The following GPRC5C variants were observed in gnomAD, a reference collection of about 807,000 sequenced individuals.
GPRC5C encodes the protein G protein-coupled receptor class C group 5 member C, also known as G protein-coupled receptor family C group 5 member C.
GPRC5C carries 22 observed loss-of-function variants against 31.4 expected under a neutral mutation model. The observed-to-expected ratio is 0.70, with a 90% CI of 0.50 to 1.00. The LOEUF (loss-of-function observed/expected upper bound fraction) is 1.00. Among genes scored for constraint, GPRC5C ranks in the 50% least tolerant of loss-of-function variants. GPRC5C has a pLI of 0.00. For missense variants in GPRC5C, 557 were observed against 597.2 expected (o/e 0.93, Z 0.70); for synonymous variants, 249 against 257.5 (o/e 0.97, Z 0.32).
chr17:74,432,364 A>T, intron 1 of GPRC5C: 1 of 1,361,132 alleles, frequency 7.3e-7, no homozygotes, highest in South Asian at 1.7e-5. Flanking sequence ...TCCCAGGGAG[A>T]GGCAGGCCCT....
intron 1 of GPRC5C, among the ~76,000 whole-genome samples, chr17:74,435,872 C>A (rs1416603242): frequency 6.6e-6 from 1 of 152,170 alleles, no homozygotes; most frequent in Non-Finnish European, 1.5e-5. Context: ...GTAGTATGGG[C>A]TTTAGTATCC....
chr17:74,438,588 G>A (rs1273475849), intron 1 of GPRC5C, among the ~76,000 whole-genome samples: 1 of 151,380 alleles, frequency 6.6e-6, no homozygotes, highest in Non-Finnish European at 1.5e-5. Flanking sequence ...TTATAGAGAC[G>A]GGGTTTCACC....
At chr17:74,432,611 G>C in intron 1 of GPRC5C, 1 of 727,860 alleles carries the variant, frequency 1.4e-6, no homozygotes, top group Non-Finnish European at 1.7e-6. Flanking sequence ...GGGGGGACTG[G>C]ACATCCTGCG....
In GPRC5C at chr17:74,440,956, C is replaced by A; in HGVS notation, c.1051+129C>A. 1.4e-6 allele frequency: 1 copy of A among 728,732 alleles called. No homozygotes were observed. The highest frequency in any genetic ancestry group is 1.9e-6 in the Non-Finnish European group (1 of 514,064). 45.1% of individuals were successfully genotyped at this position (728,732 alleles called of 1,614,324 possible). On this transcript the variant is annotated intron_variant, in intron 2 of 3. Coordinates refer to ENST00000392627, the MANE Select transcript of GPRC5C (RefSeq NM_022036.4). The surrounding 1 kb of genome is among the most constrained non-coding windows in gnomAD (Gnocchi z 4.4). ...TTTCTGTAGTTTTCTGCCTAAGTGT[C>A]TCTAAATTCCATTTAATTTAAAGAT...
Position 74,440,733 on chromosome 17 carries a change from C to G in GPRC5C, c.957C>G (p.Thr319=), listed in dbSNP as rs1364709174. 1 of 1,600,920 alleles carries G rather than the reference C, an allele frequency of 6.2e-7. No homozygotes were observed. The highest frequency in any genetic ancestry group is 1.7e-5 in the Admixed American group (1 of 59,624). ...GCTACCAGGGGGACATGTACCCCAC[C>G]CGGGGCGTGGGCTATGAGACCATCC... ...EQSYQGDMYP[T]RGVGYETILK... Residue 319 remains threonine, a synonymous_variant, in exon 2 of 4, where the codon ACC becomes ACG. Coordinates refer to ENST00000392627, the MANE Select transcript of GPRC5C (RefSeq NM_022036.4). This position sits in a 1 kb window ranked among gnomAD's most constrained non-coding sequence, Gnocchi z 4.4.
At chr17:74,436,015 T>C (rs971232400) in intron 1 of GPRC5C, among the ~76,000 whole-genome samples, 1 of 152,240 alleles carries the variant, frequency 6.6e-6, no homozygotes, top group Non-Finnish European at 1.5e-5. Flanking sequence ...AACAAATCGA[T>C]TGCCTGTGCA....
intron 3 of GPRC5C, 128 bp downstream of exon 3, chr17:74,444,040 C>A: frequency 1.5e-6 from 1 of 667,332 alleles, no homozygotes; most frequent in Non-Finnish European, 2.7e-6. Flanking sequence ...GCAAGCTTCT[C>A]CATCTGGTGC....
intron 3 of GPRC5C, among the ~76,000 whole-genome samples, chr17:74,444,838 G>A (rs543090722): frequency 9.8e-5 from 15 of 152,300 alleles, no homozygotes; most frequent in East Asian, 5.8e-4. Context: ...ACTCCCCAGC[G>A]CGTTTGGAGT....
downstream of GPRC5C, chr17:74,449,325 G>C (rs959222610): frequency 5.4e-6 from 7 of 1,299,100 alleles, no homozygotes; most frequent in Non-Finnish European, 7.1e-6. Context: ...GTTCTTTCTG[G>C]TCACTTTAGG....
chr17:74,445,451 G>A (rs1193984023), intron 3 of GPRC5C: 1 of 152,862 alleles, frequency 6.5e-6, no homozygotes, highest in African/African-American at 2.4e-5. Context: ...TGTTGGGTGG[G>A]GACTGTGTAG....
downstream of GPRC5C, chr17:74,448,945 G>A (rs1373787091): frequency 1.6e-6 from 2 of 1,253,058 alleles, no homozygotes; most frequent in African/African-American, 1.5e-5. Context: ...GGCACTTCCA[G>A]CCATGTGGTT....
intron 3 of GPRC5C, chr17:74,445,744 C>T (rs1224920237): frequency 1.3e-5 from 2 of 152,158 alleles, no homozygotes; most frequent in African/African-American, 4.8e-5. Context: ...GCCAGGAATA[C>T]ACCTTTCCTC....
intron 3 of GPRC5C, among the ~76,000 whole-genome samples, chr17:74,444,789 G>A (rs2055601681): frequency 6.6e-6 from 1 of 152,186 alleles, no homozygotes; most frequent in Admixed American, 6.5e-5. Flanking sequence ...AGCCACAGAA[G>A]CCTTTGCTGA....
chr17:74,439,880 T>C lies in GPRC5C; in HGVS notation c.104T>C (p.Leu35Pro), dbSNP rs1285164995. The C allele has an allele frequency of 6.2e-7, 1 of 1,613,124 alleles. No homozygotes were observed. Among genetic ancestry groups the C allele is most frequent in the African/African-American group, 1.3e-5 (1 of 74,938 alleles). The change falls in exon 2 of 4, where the codon CTC (leucine) becomes CCC (proline). Residue 35 changes from leucine (L) to proline (P), a missense_variant. Leu to Pro is a moderately conservative substitution (Grantham distance 98). Transcript: ENST00000392627. ...GHVPPGCSQG[L>P]NPLYYNLCDR... Reference sequence around the variant, plus strand: ...GTCCCACCCGGCTGCAGCCAAGGCCTCAACCCCCTGTACTACAACCTGTGT... The same window carrying C: ...GTCCCACCCGGCTGCAGCCAAGGCCCCAACCCCCTGTACTACAACCTGTGT...
intron 1 of GPRC5C, among the ~76,000 whole-genome samples, chr17:74,435,957 G>A (rs1027889995): frequency 3.9e-5 from 6 of 152,194 alleles, no homozygotes. Flanking sequence ...TGGCCATTAT[G>A]GCTTTACCTT....
chr17:74,446,665 A>G (rs2055639985), intron 3 of GPRC5C, 184 bp from the exon 4 acceptor site: 5 of 579,226 alleles, frequency 8.6e-6, no homozygotes, highest in Non-Finnish European at 1.5e-5. Flanking sequence ...GCAGGGTGAG[A>G]TAAGGGGCTC....
rs1378854686 is a variant in GPRC5C at position 74,446,955 on chromosome 17, G to A, written c.1253G>A (p.Ser418Asn). Residue 418 changes from serine (S) to asparagine (N), a missense_variant, in exon 4 of 4, where the codon AGC (serine) becomes AAC (asparagine). By Grantham distance (46) the Ser-to-Asn change is conservative (BLOSUM62 1). Transcript: ENST00000392627. ...LRAEDMYSAQ[S>N]HQAATPPKDG... ...GCTGAAGACATGTACTCGGCCCAGA[G>A]CCACCAGGCGGCCACACCGCCGAAA... 6.2e-7 allele frequency: 1 copy of A among 1,614,164 alleles called. No individual in the cohort carries two copies. The highest frequency in any genetic ancestry group is 8.5e-7 in the Non-Finnish European group (1 of 1,180,000).
In GPRC5C at chr17:74,440,709, C is replaced by G; in HGVS notation, c.933C>G (p.Ser311Arg). ...TGACCAAGTCCAGCCCAGAGCAAAG[C>G]TACCAGGGGGACATGTACCCCACCC... Reference protein sequence around the residue: ...SQVTKSSPEQSYQGDMYPTRG... With the variant: ...SQVTKSSPEQRYQGDMYPTRG... Residue 311 changes from serine to arginine, a missense_variant, in exon 2 of 4, where the codon AGC (serine) becomes AGG (arginine). Transcript: ENST00000392627. The surrounding 1 kb of genome is among the most constrained non-coding windows in gnomAD (Gnocchi z 4.4). The G allele has an allele frequency of 6.2e-7, 1 of 1,605,600 alleles. No homozygotes were observed.
At chr17:74,433,793 G>GGAAAGA in intron 1 of GPRC5C, 1 of 1,493,984 alleles carries the variant, frequency 6.7e-7, no homozygotes, top group Non-Finnish European at 9.3e-7. Flanking sequence ...GTGACGCGCT[G>GGAAAGA]GAGCTCTCTT....
Sources: allele counts gnomAD v4.1 joint callset (sites outside exome capture counted in the v4.1 genomes callset), GRCh38; gene constraint gnomAD v4.1.1; non-coding constraint Gnocchi (gnomAD v3.1); transcripts MANE v1.5; gene names NCBI Gene and HGNC (gene_info 2026-07-23, HGNC 2026-07-21).